Variants in THADA observed in about 807,000 individuals in gnomAD.
The protein encoded by THADA is tRNA (32-2'-O)-methyltransferase regulator THADA.
Under a neutral mutation model 219.8 loss-of-function variants are expected in THADA, and 213 were observed. The observed-to-expected ratio is 0.97, with a 90% CI of 0.87 to 1.09. The LOEUF (loss-of-function observed/expected upper bound fraction) is 1.09. Among genes scored for constraint, THADA ranks in the 50% least tolerant of loss-of-function variants. THADA has a pLI of 0.00. For synonymous variants in THADA, 1,018 were observed against 828.9 expected (o/e 1.23, Z -3.92); for missense variants, 2,956 against 2,311.3 (o/e 1.28, Z -5.72).
chr2:43,261,216 C>CTTTTTTTTTTTTT (rs1181680289), intron 36 of THADA, among the ~76,000 whole-genome samples: 1 of 77,168 alleles, frequency 1.3e-5, no homozygotes, highest in Non-Finnish European at 2.4e-5. Context: ...TTGTGCATTT[C>CTTTTTTTTTTTTT]TTTTTTTTTT....
intron 26 of THADA, among the ~76,000 whole-genome samples, chr2:43,468,530 G>C (rs1684535529): frequency 1.3e-5 from 2 of 152,244 alleles, no homozygotes; most frequent in South Asian, 2.1e-4. Flanking sequence ...CTGAAAATGA[G>C]GTCCTCCTCA....
At chr2:43,573,831 G>T (rs770767821) in intron 11 of THADA, among the ~76,000 whole-genome samples, 2 of 152,146 alleles carry the variant, frequency 1.3e-5, no homozygotes, top group African/African-American at 4.8e-5. Context: ...TGTAGGGTTT[G>T]TGAGTTTCAA....
At chr2:43,451,201 C>T (rs534461739) in intron 26 of THADA, among the ~76,000 whole-genome samples, 2 of 152,274 alleles carry the variant, frequency 1.3e-5, no homozygotes, top group Admixed American at 1.3e-4. Flanking sequence ...AAGTGATCAA[C>T]AGTTTGGCCT....
At chr2:43,401,513 C>T (rs1232930720) in intron 28 of THADA, among the ~76,000 whole-genome samples, 1 of 152,178 alleles carries the variant, frequency 6.6e-6, no homozygotes, top group Non-Finnish European at 1.5e-5. Flanking sequence ...CTCCTGACCT[C>T]GTGATCCACT....
intron 17 of THADA, 30 bp downstream of exon 17, chr2:43,556,315 G>A (rs776286027): frequency 3.4e-5 from 55 of 1,608,330 alleles, no homozygotes; most frequent in Non-Finnish European, 4.3e-5. Flanking sequence ...TAAGCTATTC[G>A]TTTTGATAAG....
intron 31 of THADA, among the ~76,000 whole-genome samples, 165 bp from the exon 32 acceptor site, chr2:43,293,378 C>G (rs1390594548): frequency 1.3e-5 from 2 of 152,190 alleles, no homozygotes; most frequent in Non-Finnish European, 2.9e-5. Flanking sequence ...GTTCAGACTT[C>G]TAGTCCACAA....
At position 43,578,596 on chromosome 2, in the gene THADA, G is replaced by T. The variant is rs1366391218; in HGVS notation, c.733C>A (p.Gln245Lys). The change falls in exon 9 of 38, where the codon CAG becomes AAG. Residue 245 changes from glutamine (Q) to lysine (K), a missense_variant. Physicochemically the swap from Gln to Lys is moderately conservative, Grantham distance 53. Coordinates refer to ENST00000405975, the MANE Select transcript of THADA (RefSeq NM_022065.5). ...AATCCAGATGTGCTCTGTACAGTCT[G>T]TAACAGATCATCTATTTGGCAAAAA... The part of the protein sequence containing the change: ...TKVLSDDDLL[Q>K]TVQSTSGLAI... 6.2e-7 allele frequency: 1 copy of T among 1,600,338 alleles called. No individual in the cohort carries two copies. Among genetic ancestry groups the T allele is most frequent in the African/African-American group, 1.3e-5 (1 of 74,378 alleles).
At chr2:43,470,183 G>C (rs1179082380) in intron 26 of THADA, among the ~76,000 whole-genome samples, 1 of 148,084 alleles carries the variant, frequency 6.8e-6, no homozygotes, top group African/African-American at 2.5e-5. Flanking sequence ...ACTTCACTCT[G>C]GGTGACACGG....
intron 20 of THADA, among the ~76,000 whole-genome samples, chr2:43,547,560 C>A (rs564955917): frequency 1.8e-3 from 269 of 152,270 alleles, no homozygotes; most frequent in Non-Finnish European, 2.8e-3. Flanking sequence ...AGGCTTTGTT[C>A]ATTTCTTTTT....
rs1387228288 is a variant in THADA at position 43,292,120 on chromosome 2, T to C, written c.4921A>G (p.Ile1641Val). 2.5e-6 allele frequency: 4 copies of C among 1,605,642 alleles called. No individual in the cohort carries two copies. The highest frequency in any genetic ancestry group is 2.2e-5 in the East Asian group (1 of 44,764). Reference sequence around the variant, plus strand: ...GGGGCAAACCTTTCATTGGAAGCAATATCCATCGTCCAGATCAAGAACTCC... The same window carrying C: ...GGGGCAAACCTTTCATTGGAAGCAACATCCATCGTCCAGATCAAGAACTCC... Reference protein sequence around the residue: ...PKEFLIWTMDIASNERSEIQS... With the variant: ...PKEFLIWTMDVASNERSEIQS... The change falls in exon 33 of 38, where the codon ATT becomes GTT. Residue 1641 changes from isoleucine to valine, a missense_variant. Ile to Val is a conservative substitution (Grantham distance 29). Coordinates refer to ENST00000405975, the MANE Select transcript of THADA (RefSeq NM_022065.5).
intron 26 of THADA, among the ~76,000 whole-genome samples, chr2:43,474,349 G>A (rs375859917): frequency 5.0e-4 from 76 of 152,312 alleles, no homozygotes; most frequent in South Asian, 4.8e-3. Flanking sequence ...AATGGGAGGA[G>A]TGGAACATGC....
At chr2:43,286,792 A>G in intron 35 of THADA, 116 bp downstream of exon 35, 1 of 1,172,352 alleles carries the variant, frequency 8.5e-7, no homozygotes, top group Non-Finnish European at 1.2e-6. Context: ...TATAACTGAA[A>G]GACATAAAGG....
At chr2:43,561,082 CA>C (rs1698012490) in intron 15 of THADA, among the ~76,000 whole-genome samples, 1 of 148,566 alleles carries the variant, frequency 6.7e-6, no homozygotes, top group Non-Finnish European at 1.5e-5. Context: ...ATAGAATGAT[CA>C]GTATGATGAC....
At chr2:43,327,131 G>C (rs1012403342) in intron 30 of THADA, among the ~76,000 whole-genome samples, 7 of 152,124 alleles carry the variant, frequency 4.6e-5, no homozygotes, top group African/African-American at 1.7e-4. Flanking sequence ...TTGTCATGGA[G>C]GAAGGCTCTA....
At chr2:43,407,159 T>G (rs964989692) in intron 28 of THADA, among the ~76,000 whole-genome samples, 8 of 152,196 alleles carry the variant, frequency 5.3e-5, no homozygotes, top group African/African-American at 1.9e-4. Flanking sequence ...TTTAATACAG[T>G]TGAAACTCAC....
At chr2:43,321,775 C>A (rs986251850) in intron 30 of THADA, among the ~76,000 whole-genome samples, 1 of 152,128 alleles carries the variant, frequency 6.6e-6, no homozygotes. Flanking sequence ...ACTTAAAATG[C>A]CCACCTCAGT....
intron 12 of THADA, 28 bp from the exon 13 acceptor site, chr2:43,571,890 A>G (rs780174563): frequency 6.2e-7 from 1 of 1,605,852 alleles, no homozygotes; most frequent in South Asian, 1.1e-5. Context: ...ATAAAATGTT[A>G]ATTTTCCAAG....
chr2:43,379,774 A>G lies in THADA; in HGVS notation c.4227+18197T>C, dbSNP rs1018267868. Among the ~76,000 whole-genome samples, 3 of 152,246 alleles carry G rather than the reference A, an allele frequency of 2.0e-5. No individual in the cohort carries two copies. In the South Asian group the frequency reaches 6.2e-4, roughly 32 times the overall value. Reference sequence around the variant, plus strand: ...TAGTACCTTTGTTCATAACTGCCCCAAAGTGGAAACAATCAAGATGTCCTT... The same window carrying G: ...TAGTACCTTTGTTCATAACTGCCCCGAAGTGGAAACAATCAAGATGTCCTT... On this transcript the variant is annotated intron_variant, in intron 29 of 37. Transcript: ENST00000405975.
intron 36 of THADA, 21 bp from the exon 37 acceptor site, chr2:43,232,903 T>C (rs753544256): frequency 1.6e-5 from 26 of 1,599,230 alleles, no homozygotes; most frequent in Non-Finnish European, 2.2e-5. Context: ...AGGAGAAAGG[T>C]GAGCAATGAA....
Sources: gnomAD v4.1 joint callset for allele counts (sites outside exome capture counted in the v4.1 genomes callset) on GRCh38, gnomAD v4.1.1 for gene constraint, MANE v1.5 for transcripts, NCBI Gene and HGNC (gene_info 2026-07-23, HGNC 2026-07-21) for gene names.